Variants in TMEM117 observed in about 807,000 individuals in gnomAD.
TMEM117 encodes transmembrane protein 117.
In TMEM117, 27 loss-of-function variants were observed where a neutral mutation model predicts 52.4. The ratio of observed to expected loss-of-function variants is 0.51; its 90% CI spans 0.38 to 0.71. The LOEUF (loss-of-function observed/expected upper bound fraction) is 0.71. Ranked by LOEUF, TMEM117 falls within the 30% of genes least tolerant of loss-of-function variation. The probability of loss-of-function intolerance (pLI) is 0.00; values close to 1 mark genes in which losing one functional copy is unlikely to be tolerated. For synonymous variants in TMEM117, 215 were observed against 206.3 expected (o/e 1.04, Z -0.36); for missense variants, 556 against 630.5 (o/e 0.88, Z 1.26).
At chr12:44,147,497 C>T (rs1292507253) in intron 4 of TMEM117, among the ~76,000 whole-genome samples, 1 of 152,128 alleles carries the variant, frequency 6.6e-6, no homozygotes, top group East Asian at 1.9e-4. Flanking sequence ...CCTGTTCTAG[C>T]CCCTGGTACA....
intron 3 of TMEM117, among the ~76,000 whole-genome samples, chr12:43,971,398 A>G (rs912942960): frequency 6.6e-6 from 1 of 152,166 alleles, no homozygotes; most frequent in Non-Finnish European, 1.5e-5. Flanking sequence ...GCCCCAGCTT[A>G]TCTCATTATT....
chr12:43,990,346 T>A (rs1246121771), intron 3 of TMEM117, among the ~76,000 whole-genome samples: 1 of 152,190 alleles, frequency 6.6e-6, no homozygotes, highest in East Asian at 1.9e-4. Context: ...TATCCAAAAA[T>A]GACTTTAAGG....
At chr12:44,171,297 G>A (rs2138284056) in intron 4 of TMEM117, among the ~76,000 whole-genome samples, 1 of 152,282 alleles carries the variant, frequency 6.6e-6, no homozygotes, top group East Asian at 1.9e-4. Flanking sequence ...TTACAGGCGT[G>A]AGCCACCGCG....
chr12:44,120,834 A>T (rs1360512410), intron 3 of TMEM117, among the ~76,000 whole-genome samples: 1 of 152,150 alleles, frequency 6.6e-6, no homozygotes, highest in African/African-American at 2.4e-5. Flanking sequence ...TGTGTTCCCC[A>T]TCCCCTTCAT....
chr12:43,989,287 C>A (rs1386292408), intron 3 of TMEM117, among the ~76,000 whole-genome samples: 1 of 151,990 alleles, frequency 6.6e-6, no homozygotes, highest in Admixed American at 6.6e-5. Flanking sequence ...TTATATTATT[C>A]ATTGCTTTCT....
chr12:44,212,892 T>G (rs1280306813), intron 5 of TMEM117, among the ~76,000 whole-genome samples: 1 of 152,138 alleles, frequency 6.6e-6, no homozygotes, highest in East Asian at 1.9e-4. Context: ...TTTAGTACTA[T>G]CATTAAATGT....
chr12:44,239,450 C>T (rs1950035939), intron 5 of TMEM117, among the ~76,000 whole-genome samples: 1 of 152,110 alleles, frequency 6.6e-6, no homozygotes, highest in Non-Finnish European at 1.5e-5. Flanking sequence ...CAATATTCCT[C>T]TTATTTATCA....
the TMEM117 span, among the ~76,000 whole-genome samples, chr12:43,828,036 G>A: frequency 1.9e-3 from 288 of 152,286 alleles, 2 homozygotes; most frequent in African/African-American, 6.7e-3. Context: ...CCTTCAGAGG[G>A]AATGTGATCC....
intron 4 of TMEM117, among the ~76,000 whole-genome samples, chr12:44,198,127 A>G (rs1014170129): frequency 3.9e-5 from 6 of 152,178 alleles, no homozygotes; most frequent in Non-Finnish European, 8.8e-5. Context: ...CTTTCTGGTT[A>G]GCCTTTGGGT....
chr12:43,807,132 T>G, the TMEM117 span, among the ~76,000 whole-genome samples: 1 of 152,078 alleles, frequency 6.6e-6, no homozygotes, highest in Non-Finnish European at 1.5e-5. Context: ...GGGGTTTGGT[T>G]TTTTTTTGGT....
intron 3 of TMEM117, among the ~76,000 whole-genome samples, chr12:44,046,882 G>A (rs1474519889): frequency 2.0e-5 from 3 of 152,104 alleles, no homozygotes; most frequent in Admixed American, 6.5e-5. Flanking sequence ...GGATTGATGT[G>A]TTTCCAGTTG....
chr12:44,333,264 C>A (rs951926960), intron 6 of TMEM117, among the ~76,000 whole-genome samples: 3 of 151,982 alleles, frequency 2.0e-5, no homozygotes, highest in African/African-American at 7.2e-5. Context: ...GCTTTTTAAA[C>A]CCAAACAATA....
intron 5 of TMEM117, among the ~76,000 whole-genome samples, chr12:44,261,507 T>C (rs966085634): frequency 3.9e-5 from 6 of 152,234 alleles, no homozygotes; most frequent in African/African-American, 1.4e-4. Flanking sequence ...GCTGTCTTGG[T>C]ACTGCTTTGG....
At chr12:43,873,596 TATGTCATTA>T (rs1177289479) in intron 2 of TMEM117, among the ~76,000 whole-genome samples, 9 of 152,152 alleles carry the variant, frequency 5.9e-5, no homozygotes, top group Admixed American at 5.9e-4. Flanking sequence ...TCGTTAATTT[TATGTCATTA>T]AAAAAAGAAA....
chr12:44,371,316 T>C (rs181759666), intron 6 of TMEM117, among the ~76,000 whole-genome samples: 11 of 152,302 alleles, frequency 7.2e-5, no homozygotes, highest in African/African-American at 2.6e-4. Context: ...AATAAATATA[T>C]CTGTAAAGTT....
chr12:44,356,046 C>G (rs981890497), intron 6 of TMEM117, among the ~76,000 whole-genome samples: 5 of 152,026 alleles, frequency 3.3e-5, no homozygotes, highest in Non-Finnish European at 5.9e-5. Context: ...GCAGATGCCA[C>G]ATGGTAAAAG....
At chr12:44,398,075 G>A in the TMEM117 span, among the ~76,000 whole-genome samples, 81 of 149,162 alleles carry the variant, frequency 5.4e-4, no homozygotes, top group Non-Finnish European at 1.8e-4. Flanking sequence ...ATTTCTGTGG[G>A]TGGTTGTTTT....
At chr12:44,178,432 T>A (rs1189427651) in intron 4 of TMEM117, among the ~76,000 whole-genome samples, 1 of 150,842 alleles carries the variant, frequency 6.6e-6, no homozygotes, top group Admixed American at 6.6e-5. Context: ...TTTTCTCTCA[T>A]ATAGTCTACT....
intron 6 of TMEM117, among the ~76,000 whole-genome samples, chr12:44,361,527 G>A (rs56126066): frequency 0.034 from 5,164 of 152,214 alleles, 105 homozygotes; most frequent in Middle Eastern, 0.13. Flanking sequence ...GTATTCCAAG[G>A]CCTTGCACAG....
Sources: allele counts gnomAD v4.1 joint callset (sites outside exome capture counted in the v4.1 genomes callset), GRCh38; gene constraint gnomAD v4.1.1; transcripts MANE v1.5; gene names NCBI Gene and HGNC (gene_info 2026-07-23, HGNC 2026-07-21).